Variants in GABRG3 observed in about 807,000 individuals in gnomAD.
GABRG3 encodes the protein gamma-aminobutyric acid type A receptor subunit gamma3.
GABRG3 carries 25 observed loss-of-function variants against 48.8 expected under a neutral mutation model. That is an observed-to-expected ratio of 0.51 (90% CI 0.37 to 0.72). The LOEUF (loss-of-function observed/expected upper bound fraction) is 0.72. Ranked by LOEUF, GABRG3 falls within the 30% of genes least tolerant of loss-of-function variation. The pLI, the probability that GABRG3 is intolerant of heterozygous loss-of-function variation, is 0.00. For synonymous variants in GABRG3, 227 were observed against 217.6 expected, an observed-to-expected ratio of 1.04 and a Z score of -0.38; for missense variants, 394 against 577.9, an observed-to-expected ratio of 0.68 and a Z score of 3.26.
At chr15:27,125,781 G>A (rs1428502923) in intron 3 of GABRG3, among the ~76,000 whole-genome samples, 2 of 152,204 alleles carry the variant, frequency 1.3e-5, no homozygotes, top group East Asian at 1.9e-4. Flanking sequence ...GCAGCCATGC[G>A]CCACATAGCA....
intron 3 of GABRG3, among the ~76,000 whole-genome samples, chr15:27,311,094 T>A (rs1004826283): frequency 1.3e-5 from 2 of 152,176 alleles, no homozygotes; most frequent in Non-Finnish European, 2.9e-5. Context: ...ACATGAGTCT[T>A]TCCTGAGCAA....
intron 3 of GABRG3, among the ~76,000 whole-genome samples, chr15:27,135,096 A>G (rs1197994901): frequency 6.6e-6 from 1 of 152,204 alleles, no homozygotes; most frequent in Non-Finnish European, 1.5e-5. Context: ...TTATTCTAAC[A>G]TCTAATTATA....
intron 2 of GABRG3, among the ~76,000 whole-genome samples, chr15:26,980,162 T>C (rs1424601581): frequency 1.3e-5 from 2 of 152,176 alleles, no homozygotes; most frequent in Non-Finnish European, 2.9e-5. Context: ...TATAATAATA[T>C]CCCTGCTTCA....
chr15:27,074,178 C>T (rs1374377021), intron 3 of GABRG3, among the ~76,000 whole-genome samples: 1 of 152,136 alleles, frequency 6.6e-6, no homozygotes, highest in Non-Finnish European at 1.5e-5. Flanking sequence ...GTTCAATTAT[C>T]TGCCACTGGG....
intron 2 of GABRG3, among the ~76,000 whole-genome samples, chr15:26,991,340 A>C (rs10468223): frequency 0.064 from 9,728 of 151,892 alleles, 361 homozygotes; most frequent in East Asian, 0.18. Context: ...ATGTAATTTG[A>C]AGTCAGGTAA....
intron 3 of GABRG3, among the ~76,000 whole-genome samples, chr15:27,182,069 A>G (rs887336473): frequency 6.6e-6 from 1 of 152,036 alleles, no homozygotes; most frequent in African/African-American, 2.4e-5. Context: ...GTAAGTAGAA[A>G]GCCACAAAGT....
chr15:27,197,222 T>G (rs1265111739), intron 3 of GABRG3, among the ~76,000 whole-genome samples: 2 of 152,184 alleles, frequency 1.3e-5, no homozygotes, highest in Non-Finnish European at 2.9e-5. Context: ...TCGGGACATA[T>G]CTGCATCAGA....
intron 3 of GABRG3, among the ~76,000 whole-genome samples, chr15:27,080,290 GTAAATAAA>G (rs3063256): frequency 0.19 from 29,305 of 151,394 alleles, 2,896 homozygotes; most frequent in Middle Eastern, 0.25. Flanking sequence ...TCTCTAATAA[GTAAATAAA>G]TAAATAAATA....
chr15:27,084,303 T>A (rs1897040373), intron 3 of GABRG3, among the ~76,000 whole-genome samples: 1 of 152,244 alleles, frequency 6.6e-6, no homozygotes, highest in Admixed American at 6.5e-5. Context: ...CTTTTTCATT[T>A]TTGCTTCTGA....
chr15:27,154,255 C>G (rs1418197172), intron 3 of GABRG3, among the ~76,000 whole-genome samples: 2 of 152,118 alleles, frequency 1.3e-5, no homozygotes, highest in Non-Finnish European at 2.9e-5. Flanking sequence ...ATGATCAAAT[C>G]TGTCTTTTAG....
intron 3 of GABRG3, among the ~76,000 whole-genome samples, chr15:27,189,451 G>T (rs889382123): frequency 5.9e-5 from 9 of 152,136 alleles, no homozygotes; most frequent in Non-Finnish European, 1.2e-4. Flanking sequence ...CACGTCCCTT[G>T]TAAGGTGGAT....
chr15:27,420,874 A>T (rs1193587252), intron 5 of GABRG3: 1 of 152,232 alleles, frequency 6.6e-6, no homozygotes, highest in African/African-American at 2.4e-5. Flanking sequence ...CAAAAGAAGA[A>T]ACAGTTCTGT....
chr15:27,023,554 TC>T (rs1895934721), intron 2 of GABRG3, among the ~76,000 whole-genome samples: 1 of 152,242 alleles, frequency 6.6e-6, no homozygotes, highest in Non-Finnish European at 1.5e-5. Flanking sequence ...ATAAGTGGAA[TC>T]ATAGTATTTG....
chr15:26,998,363 C>A (rs1335711671), intron 2 of GABRG3, among the ~76,000 whole-genome samples: 1 of 152,182 alleles, frequency 6.6e-6, no homozygotes, highest in Non-Finnish European at 1.5e-5. Context: ...TGGCATTCTT[C>A]TTCTTCTGGG....
intron 2 of GABRG3, among the ~76,000 whole-genome samples, chr15:27,016,980 A>G (rs1157916933): frequency 6.6e-6 from 1 of 151,958 alleles, no homozygotes; most frequent in African/African-American, 2.4e-5. Flanking sequence ...TGATATTATC[A>G]TTTTGTTCAT....
At chr15:26,996,875 A>G (rs1362662742) in intron 2 of GABRG3, among the ~76,000 whole-genome samples, 2 of 151,952 alleles carry the variant, frequency 1.3e-5, no homozygotes, top group African/African-American at 2.4e-5. Context: ...GATGGTTGCA[A>G]TCTCCTGAAC....
At chr15:27,239,633 T>C (rs1225439418) in intron 3 of GABRG3, among the ~76,000 whole-genome samples, 2 of 152,224 alleles carry the variant, frequency 1.3e-5, no homozygotes, top group Admixed American at 1.3e-4. Context: ...TATTAAGTGT[T>C]CATGAGATGC....
intron 3 of GABRG3, among the ~76,000 whole-genome samples, chr15:27,312,214 A>C (rs992130873): frequency 6.6e-6 from 1 of 152,118 alleles, no homozygotes; most frequent in Non-Finnish European, 1.5e-5. Context: ...GAAGATAGAA[A>C]CAGTGAACAT....
At position 27,129,370 on chromosome 15, in the gene GABRG3, T is replaced by TC. The variant is rs569068500; in HGVS notation, c.270+102550dup. On this transcript the variant is annotated intron_variant, in intron 3 of 9. Transcript: ENST00000615808. Reference sequence around the variant, plus strand: ...TTAATGTCTTCAAGGTTCATTCATGTCTTAGCATTTCCTTCCTTTTTAAAG... The same window carrying TC: ...TTAATGTCTTCAAGGTTCATTCATGTCCTTAGCATTTCCTTCCTTTTTAAAG... Among the ~76,000 whole-genome samples the TC allele has an allele frequency of 3.0e-4, 46 of 152,346 alleles. No individual in the cohort carries two copies. In the East Asian group the frequency reaches 6.8e-3, roughly 22 times the overall value.
Sources: gnomAD v4.1 joint callset for allele counts (sites outside exome capture counted in the v4.1 genomes callset) on GRCh38, gnomAD v4.1.1 for gene constraint, MANE v1.5 for transcripts, NCBI Gene and HGNC (gene_info 2026-07-23, HGNC 2026-07-21) for gene names.